Variants in PRDM14 observed in about 807,000 individuals in gnomAD.
PRDM14 encodes the protein PR domain zinc finger protein 14.
In PRDM14, 16 loss-of-function variants were observed where a neutral mutation model predicts 48.0. The ratio of observed to expected loss-of-function variants is 0.33; its 90% CI spans 0.23 to 0.51. The LOEUF (loss-of-function observed/expected upper bound fraction) is 0.51, where lower values mean the gene tolerates loss of function less well. PRDM14 is among the 20% of genes least tolerant of loss of function. The probability of loss-of-function intolerance (pLI) is 0.97; values close to 1 mark genes in which losing one functional copy is unlikely to be tolerated. For synonymous variants in PRDM14, 264 were observed against 276.6 expected, an observed-to-expected ratio of 0.95 and a Z score of 0.45; for missense variants, 566 against 719.6, an observed-to-expected ratio of 0.79 and a Z score of 2.44.
At chr8:70,060,798 C>T (rs1331416088) in intron 5 of PRDM14, among the ~76,000 whole-genome samples, 5 of 152,190 alleles carry the variant, frequency 3.3e-5, no homozygotes. Context: ...CCTTTAAGAT[C>T]AGCCTGAGTT....
At chr8:70,055,509 CT>C (rs201316659) in intron 6 of PRDM14, 108 bp from the exon 7 acceptor site, 38,793 of 441,474 alleles carry the variant, frequency 0.088, 18 homozygotes, top group South Asian at 0.11. Context: ...CAATTTTTTT[CT>C]TTTTTTTTTT....
At chr8:70,056,136 A>C (rs1470468464) in intron 6 of PRDM14, among the ~76,000 whole-genome samples, 1 of 152,254 alleles carries the variant, frequency 6.6e-6, no homozygotes. Context: ...ATGGTAATGC[A>C]CAGTAGCAGA....
intron 6 of PRDM14, 97 bp downstream of exon 6, chr8:70,058,543 C>T (rs2131037053): frequency 1.9e-6 from 2 of 1,035,906 alleles, no homozygotes; most frequent in South Asian, 1.4e-5. Flanking sequence ...GGCATCACAG[C>T]CCTGCAGCTA....
intron 5 of PRDM14, among the ~76,000 whole-genome samples, chr8:70,062,963 C>T (rs533815767): frequency 1.8e-4 from 27 of 152,190 alleles, no homozygotes; most frequent in Non-Finnish European, 3.8e-4. Flanking sequence ...TATTATACTA[C>T]TGAACATTTA....
At position 70,066,392 on chromosome 8, in the gene PRDM14, C is replaced by A. The variant is rs781713042; in HGVS notation, c.1026G>T (p.Val342=). ...CATAAAATATATGCCCTTGACACTGCACAGCAACTAGGTTCTGCTCCTTGG... is the reference window on the plus strand; with the variant it reads ...CATAAAATATATGCCCTTGACACTGAACAGCAACTAGGTTCTGCTCCTTGG... ...RFPKEQNLVA[V]QCQGHIFYES... is the part of the protein sequence containing the mutation. The change falls in exon 5 of 8, where the codon GTG becomes GTT. Residue 342 remains valine, a synonymous_variant. Coordinates refer to ENST00000276594, the MANE Select transcript of PRDM14 (RefSeq NM_024504.4). 6.2e-7 allele frequency: 1 copy of A among 1,614,174 alleles called. No homozygotes were observed. The highest frequency in any genetic ancestry group is 1.1e-5 in the South Asian group (1 of 91,082).
chr8:70,061,504 C>A (rs545299262), intron 5 of PRDM14, among the ~76,000 whole-genome samples: 1 of 152,196 alleles, frequency 6.6e-6, no homozygotes, highest in African/African-American at 2.4e-5. Context: ...GCTGATCCAT[C>A]GCCCTGCTCT....
intron 5 of PRDM14, among the ~76,000 whole-genome samples, chr8:70,062,546 C>A (rs1051520505): frequency 2.0e-5 from 3 of 151,594 alleles, no homozygotes; most frequent in Admixed American, 6.6e-5. Flanking sequence ...CGGTCTGCAA[C>A]CTCCGCCCCC....
chr8:70,063,684 A>C (rs1805621548), intron 5 of PRDM14, among the ~76,000 whole-genome samples: 1 of 151,692 alleles, frequency 6.6e-6, no homozygotes, highest in African/African-American at 2.4e-5. Context: ...CACCACACCC[A>C]GCTAATTTTT....
intron 6 of PRDM14, among the ~76,000 whole-genome samples, chr8:70,057,738 G>A (rs541358170): frequency 2.0e-5 from 3 of 152,272 alleles, no homozygotes; most frequent in Admixed American, 6.5e-5. Context: ...TCTAATAAGC[G>A]AGAAATACCT....
At chr8:70,070,472 C>A (rs1242744161) in intron 1 of PRDM14, among the ~76,000 whole-genome samples, 1 of 152,182 alleles carries the variant, frequency 6.6e-6, no homozygotes, top group Admixed American at 6.5e-5. Context: ...AGCCCCCGGG[C>A]AGGTCCAGGG....
chr8:70,053,374 GGTTT>G (rs542868338), intron 7 of PRDM14, among the ~76,000 whole-genome samples: 3 of 116,960 alleles, frequency 2.6e-5, no homozygotes, highest in African/African-American at 9.4e-5. Flanking sequence ...ATGGTTTGTA[GGTTT>G]GTTTTATTTG....
chr8:70,069,249 G>A lies in PRDM14; in HGVS notation c.612C>T (p.Phe204=), dbSNP rs369845893. 1.4e-5 allele frequency: 22 copies of A among 1,605,188 alleles called. No individual in the cohort carries two copies. Among genetic ancestry groups the A allele is most frequent in the Non-Finnish European group, 1.9e-5 (22 of 1,175,560 alleles). ...GGCTGGGAGTGACCCCGTACAGAACGAAGTGCAGGTCCTCCTCCGTGAACT... is the reference window on the plus strand; with the variant it reads ...GGCTGGGAGTGACCCCGTACAGAACAAAGTGCAGGTCCTCCTCCGTGAACT... ...RFQFTEEDLH[F]VLYGVTPSLE... Residue 204 remains phenylalanine (F), a synonymous_variant, in exon 2 of 8, where the codon TTC becomes TTT. Coordinates refer to ENST00000276594, the MANE Select transcript of PRDM14 (RefSeq NM_024504.4).
chr8:70,051,964 G>C lies in PRDM14; in HGVS notation c.*113C>G. ...TTTTTGTATTTTTTTGGTAGAGACA[G>C]GATTTCACCATGTTGCCCAGGCTGG... On this transcript the variant is annotated 3_prime_UTR_variant, in exon 8 of 8. Transcript: ENST00000276594. The C allele has an allele frequency of 1.4e-6, 1 of 710,262 alleles. No individual in the cohort carries two copies. The highest frequency in any genetic ancestry group is 2.3e-6 in the Non-Finnish European group (1 of 428,610). 44.0% of individuals were successfully genotyped at this position (710,262 alleles called of 1,614,324 possible).
intron 1 of PRDM14, among the ~76,000 whole-genome samples, chr8:70,070,656 T>C (rs942923370): frequency 6.6e-6 from 1 of 152,110 alleles, no homozygotes; most frequent in African/African-American, 2.4e-5. Flanking sequence ...ACTCCAATCA[T>C]TCTACCAGGA....
intron 1 of PRDM14, among the ~76,000 whole-genome samples, chr8:70,070,625 C>G (rs1262651870): frequency 6.6e-5 from 10 of 152,204 alleles, no homozygotes; most frequent in Non-Finnish European, 1.5e-4. Flanking sequence ...GCGTCCGCCA[C>G]ATTCCCCGGG....
At chr8:70,063,565 C>T (rs982098609) in intron 5 of PRDM14, among the ~76,000 whole-genome samples, 1 of 151,826 alleles carries the variant, frequency 6.6e-6, no homozygotes, top group Admixed American at 6.6e-5. Flanking sequence ...ACTCTGTCAC[C>T]CAGGCTGGAG....
chr8:70,061,408 A>G (rs1805578759), intron 5 of PRDM14, among the ~76,000 whole-genome samples: 1 of 152,282 alleles, frequency 6.6e-6, no homozygotes. Flanking sequence ...TTAGTTGACA[A>G]CTACATCCCA....
In PRDM14 at chr8:70,068,826, A is replaced by C. The variant is rs562591674; in HGVS notation, c.701-294T>G. Among the ~76,000 whole-genome samples the C allele has an allele frequency of 7.8e-4, 119 of 152,320 alleles. 1 individual carries two copies. Among genetic ancestry groups the C allele is most frequent in the African/African-American group, 2.8e-3 (117 of 41,580 alleles). ...GAGGATCAGAGGTAATGCCTGACTA[A>C]GGTCAGCGTAGCTAGCTGAGCTGGG... On this transcript the variant is annotated intron_variant, in intron 2 of 7. Coordinates refer to ENST00000276594, the MANE Select transcript of PRDM14 (RefSeq NM_024504.4).
chr8:70,052,865 C>CAAA (rs71275047), intron 7 of PRDM14, among the ~76,000 whole-genome samples: 1 of 24,338 alleles, frequency 4.1e-5, no homozygotes, highest in Non-Finnish European at 6.9e-5. Context: ...ACTCTGTCTC[C>CAAA]AAAAAAAAAA....
Sources: allele counts gnomAD v4.1 joint callset (sites outside exome capture counted in the v4.1 genomes callset), GRCh38; gene constraint gnomAD v4.1.1; transcripts MANE v1.5; gene names NCBI Gene and HGNC (gene_info 2026-07-23, HGNC 2026-07-21).